DPP6: variants seen among roughly 807,000 people sequenced by gnomAD.
The protein encoded by DPP6 is dipeptidyl peptidase like 6, also known as A-type potassium channel modulatory protein DPP6.
A neutral mutation model predicts 122.6 loss-of-function variants in DPP6; 69 were observed. The ratio of observed to expected loss-of-function variants is 0.56; its 90% CI spans 0.46 to 0.69. DPP6 has a LOEUF of 0.69. Among genes scored for constraint, DPP6 ranks in the 30% least tolerant of loss-of-function variants. The probability of loss-of-function intolerance (pLI) is 0.00; values close to 1 mark genes in which losing one functional copy is unlikely to be tolerated. For missense variants in DPP6, 928 were observed against 1,116.9 expected, an observed-to-expected ratio of 0.83 and a Z score of 2.41; for synonymous variants, 418 against 433.1, an observed-to-expected ratio of 0.97 and a Z score of 0.43.
chr7:153,754,912 T>A, the DPP6 span, among the ~76,000 whole-genome samples: 1 of 151,900 alleles, frequency 6.6e-6, no homozygotes, highest in Admixed American at 6.6e-5. Context: ...TTTTTTTTAA[T>A]TCACCGTGAG....
intron 6 of DPP6, among the ~76,000 whole-genome samples, chr7:154,665,538 A>G (rs1838094519): frequency 6.6e-6 from 1 of 151,934 alleles, no homozygotes; most frequent in Non-Finnish European, 1.5e-5. Flanking sequence ...TTCCTGACTC[A>G]TTCTGTATTT....
At chr7:153,924,030 G>T (rs1253348632) in intron 1 of DPP6, among the ~76,000 whole-genome samples, 2 of 152,070 alleles carry the variant, frequency 1.3e-5, no homozygotes, top group East Asian at 3.9e-4. Context: ...TCATTTTCTA[G>T]CTGGGTAACC....
chr7:154,388,712 A>T (rs998200976), intron 1 of DPP6, among the ~76,000 whole-genome samples: 2 of 152,134 alleles, frequency 1.3e-5, no homozygotes, highest in African/African-American at 4.8e-5. Flanking sequence ...TTCACATCAC[A>T]GGGAAGATGT....
chr7:154,708,489 T>C lies in DPP6; in HGVS notation c.763-19278T>C, dbSNP rs1187030544. ...AATAAGATTTCTTTTTGTTATTTTTTAGCAATTTGTACAGTTCTTTGATCG... is the reference window on the plus strand; with the variant it reads ...AATAAGATTTCTTTTTGTTATTTTTCAGCAATTTGTACAGTTCTTTGATCG... On this transcript the variant is annotated intron_variant, in intron 7 of 25. Transcript: ENST00000377770. Among the ~76,000 whole-genome samples the C allele has an allele frequency of 3.3e-5, 5 of 152,352 alleles. No homozygotes were observed. In the East Asian group the frequency reaches 9.6e-4, roughly 29 times the overall value.
chr7:154,427,466 G>A (rs1178845218), intron 1 of DPP6, among the ~76,000 whole-genome samples: 1 of 152,132 alleles, frequency 6.6e-6, no homozygotes, highest in Non-Finnish European at 1.5e-5. Context: ...ACAGTGATTT[G>A]AAAATAACCT....
intron 1 of DPP6, among the ~76,000 whole-genome samples, chr7:154,286,075 CT>C (rs1395880194): frequency 2.0e-5 from 3 of 152,290 alleles, no homozygotes; most frequent in Middle Eastern, 3.4e-3. Context: ...GATCAGTCTA[CT>C]AAATATTTCA....
intron 1 of DPP6, among the ~76,000 whole-genome samples, chr7:154,079,443 G>T (rs1803826536): frequency 6.6e-6 from 1 of 152,208 alleles, no homozygotes; most frequent in African/African-American, 2.4e-5. Context: ...AAGGGTGGGA[G>T]CTATTGAAGG....
chr7:154,302,836 C>T (rs1337505838), intron 1 of DPP6, among the ~76,000 whole-genome samples: 1 of 152,146 alleles, frequency 6.6e-6, no homozygotes, highest in East Asian at 1.9e-4. Flanking sequence ...TTGAAGGAGA[C>T]CTGTCTTCCT....
intron 1 of DPP6, among the ~76,000 whole-genome samples, chr7:153,964,976 T>G (rs1238036308): frequency 2.0e-5 from 2 of 101,108 alleles, no homozygotes; most frequent in African/African-American, 1.1e-4. Context: ...TTCATTTCTT[T>G]TCCCTTCCTT....
At chr7:154,165,596 T>G (rs868407531) in intron 1 of DPP6, among the ~76,000 whole-genome samples, 11 of 151,772 alleles carry the variant, frequency 7.2e-5, no homozygotes, top group Middle Eastern at 3.4e-3. Flanking sequence ...ACTTCCACAA[T>G]GGTTGAACTA....
In DPP6 at chr7:154,403,578, C is replaced by T. The variant is rs1187726581; in HGVS notation, c.244-42636C>T. On this transcript the variant is annotated intron_variant, in intron 1 of 25. Coordinates refer to ENST00000377770, the MANE Select transcript of DPP6 (RefSeq NM_130797.4). This position sits in a 1 kb window ranked among gnomAD's most constrained non-coding sequence, Gnocchi z 4.1. ...CTCTGGGCTGGGAAAGCAAAGAGCA[C>T]TGGGCAATCACGCCTTTCTCTGCTG... Among the ~76,000 whole-genome samples the T allele has an allele frequency of 1.3e-5, 2 of 152,196 alleles. No individual in the cohort carries two copies. Among genetic ancestry groups the T allele is most frequent in the Non-Finnish European group, 1.5e-5 (1 of 68,036 alleles).
chr7:154,368,706 C>T (rs992936775), intron 1 of DPP6, among the ~76,000 whole-genome samples: 8 of 152,222 alleles, frequency 5.3e-5, no homozygotes, highest in Admixed American at 5.2e-4. Flanking sequence ...ATGATGTTAA[C>T]ATCGTTCGCA....
At chr7:154,515,245 T>C (rs888013638) in intron 3 of DPP6, among the ~76,000 whole-genome samples, 4 of 152,216 alleles carry the variant, frequency 2.6e-5, no homozygotes, top group African/African-American at 9.6e-5. Flanking sequence ...TTGGGGACTC[T>C]GGCGTGGCAC....
intron 1 of DPP6, among the ~76,000 whole-genome samples, chr7:154,047,028 A>G (rs1800050913): frequency 6.6e-6 from 1 of 150,478 alleles, no homozygotes; most frequent in Non-Finnish European, 1.5e-5. Context: ...AAGACGTTGC[A>G]TTTGACTGAC....
chr7:154,502,664 T>A (rs1418043745), intron 3 of DPP6, among the ~76,000 whole-genome samples: 1 of 152,154 alleles, frequency 6.6e-6, no homozygotes, highest in Non-Finnish European at 1.5e-5. Context: ...AATTGCCCAG[T>A]CTCGAGTATG....
chr7:153,795,079 G>T, the DPP6 span, among the ~76,000 whole-genome samples: 8,840 of 152,202 alleles, frequency 0.058, 279 homozygotes, highest in African/African-American at 0.074. Flanking sequence ...TGAAGGTCAG[G>T]TGCCCTTAAA....
At chr7:153,888,905 G>A (rs1799067383) in intron 1 of DPP6, among the ~76,000 whole-genome samples, 1 of 152,066 alleles carries the variant, frequency 6.6e-6, no homozygotes, top group African/African-American at 2.4e-5. Context: ...GCACCTTTGC[G>A]GGAACCCAGG....
chr7:154,766,619 T>C (rs1795915530), intron 8 of DPP6, among the ~76,000 whole-genome samples: 1 of 152,218 alleles, frequency 6.6e-6, no homozygotes. Context: ...CCGTTACATT[T>C]GGTAACCTGT....
chr7:154,624,206 T>A lies in DPP6; in HGVS notation c.628-13615T>A, dbSNP rs993397769. Among the ~76,000 whole-genome samples the A allele has an allele frequency of 6.6e-6, 1 of 151,792 alleles. No individual in the cohort carries two copies. Among genetic ancestry groups the A allele is most frequent in the African/African-American group, 2.4e-5 (1 of 41,306 alleles). ...AGCCAGACGTGGTGGCGGGTGCCTA[T>A]AAATCCAGCTACTTGGGAGGCTGAG... On this transcript the variant is annotated intron_variant, in intron 5 of 25. Coordinates refer to ENST00000377770, the MANE Select transcript of DPP6 (RefSeq NM_130797.4). The surrounding 1 kb of genome is among the most constrained non-coding windows in gnomAD (Gnocchi z 4.7).
Sources: allele counts gnomAD v4.1 joint callset (sites outside exome capture counted in the v4.1 genomes callset), GRCh38; gene constraint gnomAD v4.1.1; non-coding constraint Gnocchi (gnomAD v3.1); transcripts MANE v1.5; gene names NCBI Gene and HGNC (gene_info 2026-07-23, HGNC 2026-07-21).